The following AATK variants were observed in gnomAD, a reference collection of about 807,000 sequenced individuals.
AATK encodes lemur tail kinase 1.
Under a neutral mutation model 114.3 loss-of-function variants are expected in AATK, and 91 were observed. The observed-to-expected ratio is 0.80, with a 90% CI of 0.67 to 0.95. AATK has a LOEUF of 0.95. Among genes scored for constraint, AATK ranks in the 40% least tolerant of loss-of-function variants. AATK has a pLI of 0.00. For missense variants in AATK, 2,176 were observed against 1,965.2 expected (o/e 1.11, Z -2.03); for synonymous variants, 1,075 against 916.5 (o/e 1.17, Z -3.12).
chr17:81,123,001 G>A (rs1312849582), intron 10 of AATK, among the ~76,000 whole-genome samples, 178 bp from the exon 11 acceptor site: 1 of 152,172 alleles, frequency 6.6e-6, no homozygotes, highest in Non-Finnish European at 1.5e-5. Context: ...GCAGGAGGTG[G>A]GCTGGGCACT....
chr17:81,136,739 G>A (rs2061016214), intron 1 of AATK, among the ~76,000 whole-genome samples: 1 of 152,254 alleles, frequency 6.6e-6, no homozygotes, highest in African/African-American at 2.4e-5. Context: ...ATGAGCACAA[G>A]GTTGTGTCCC....
chr17:81,160,621 C>T (rs897397924), intron 1 of AATK, among the ~76,000 whole-genome samples: 3 of 152,194 alleles, frequency 2.0e-5, no homozygotes, highest in African/African-American at 4.8e-5. Flanking sequence ...CTCCCCACCA[C>T]GGACACGGGC....
Position 81,121,865 on chromosome 17 carries a change from G to C in AATK, c.2071C>G (p.Arg691Gly), listed in dbSNP as rs763388197. The C allele has an allele frequency of 1.9e-6, 3 of 1,597,366 alleles. No individual in the cohort carries two copies. Among genetic ancestry groups the C allele is most frequent in the South Asian group, 1.1e-5 (1 of 90,600 alleles). Reference sequence around the variant, plus strand: ...ACGGGGTCCCAGGACTCTGGACAGCGGCTGCCGCTGTTGTTGTTGGCTGAC... The same window carrying C: ...ACGGGGTCCCAGGACTCTGGACAGCCGCTGCCGCTGTTGTTGTTGGCTGAC... ...NVSANNNSGS[R>G]CPESWDPVSA... is the part of the protein sequence containing the mutation. Residue 691 changes from arginine (R) to glycine (G), a missense_variant, in exon 11 of 14, where the codon CGC becomes GGC. By Grantham distance (125) the Arg-to-Gly change is moderately radical. Around this residue, in one of 4 missense-constraint regions of AATK, gnomAD observed 1,701 missense variants for 1,394.7 expected, o/e 1.22. Coordinates refer to ENST00000326724, the MANE Select transcript of AATK (RefSeq NM_001080395.3).
Position 81,122,615 on chromosome 17 carries a change from G to A in AATK, c.1321C>T (p.Leu441Phe). 1 of 1,417,374 alleles carries A rather than the reference G, an allele frequency of 7.1e-7. No individual in the cohort carries two copies. Among genetic ancestry groups the A allele is most frequent in the Non-Finnish European group, 9.3e-7 (1 of 1,075,350 alleles). 87.8% of individuals were successfully genotyped at this position (1,417,374 alleles called of 1,614,324 possible). A position where few individuals can be genotyped will look rare whatever the true frequency, so the allele number is the denominator to read the frequency against. Residue 441 changes from leucine to phenylalanine, a missense_variant, in exon 11 of 14, where the codon CTC becomes TTC. Leu to Phe is a conservative substitution (Grantham distance 22, BLOSUM62 0). Around this residue, in one of 4 missense-constraint regions of AATK, gnomAD observed 1,701 missense variants for 1,394.7 expected, o/e 1.22. Transcript: ENST00000326724. ...AGCGGGAAGGACGAGGCAGCGGCGA[G>A]CTCCACCACGCCGCCCAGCATGGGC... Reference protein sequence around the residue: ...AGPMLGGVVELAAASSFPLLE... With the variant: ...AGPMLGGVVEFAAASSFPLLE...
intron 1 of AATK, among the ~76,000 whole-genome samples, chr17:81,143,108 C>G (rs533849985): frequency 6.6e-6 from 1 of 152,334 alleles, no homozygotes; most frequent in African/African-American, 2.4e-5. Context: ...ACGGCCTTCC[C>G]TCGAAGGCCA....
chr17:81,129,445 C>CGGAGGCA (rs755999869), intron 3 of AATK, among the ~76,000 whole-genome samples: 1 of 152,168 alleles, frequency 6.6e-6, no homozygotes, highest in Non-Finnish European at 1.5e-5. Context: ...TGGGCACTGC[C>CGGAGGCA]GGAGGCAGCA....
chr17:81,121,016 C>CG lies in AATK; in HGVS notation c.2919dup (p.Gly974ArgfsTer31). The CG allele has an allele frequency of 6.2e-7, 1 of 1,610,040 alleles. No homozygotes were observed. The highest frequency in any genetic ancestry group is 8.5e-7 in the Non-Finnish European group (1 of 1,178,910). On this transcript the variant is annotated frameshift_variant, in exon 11 of 14. Coordinates refer to ENST00000326724, the MANE Select transcript of AATK (RefSeq NM_001080395.3). LOFTEE classifies it high-confidence loss of function. ...GAGGTGGAGAGCCGTGTCTCGGGCC[C>CG]GGGGCCCTCACCCTCTGAGGCCAGC... is the stretch of plus-strand genomic sequence containing the variant.
At chr17:81,158,194 A>C (rs1401950955) in intron 1 of AATK, among the ~76,000 whole-genome samples, 1 of 152,254 alleles carries the variant, frequency 6.6e-6, no homozygotes, top group East Asian at 1.9e-4. Context: ...AGGCTCCAGC[A>C]GCAGCCAAGC....
chr17:81,122,890 G>C (rs1207805000), intron 10 of AATK, 67 bp from the exon 11 acceptor site: 2 of 1,349,522 alleles, frequency 1.5e-6, no homozygotes, highest in African/African-American at 3.0e-5. Flanking sequence ...CCTGGAGCAG[G>C]GATGGGGGTT....
intron 1 of AATK, among the ~76,000 whole-genome samples, chr17:81,156,897 C>T (rs1018149236): frequency 6.9e-6 from 1 of 145,890 alleles, no homozygotes. Flanking sequence ...AAACTGAGGA[C>T]CCCCTCCCCA....
intron 1 of AATK, among the ~76,000 whole-genome samples, chr17:81,162,040 C>T (rs1455807187): frequency 6.6e-6 from 1 of 152,170 alleles, no homozygotes; most frequent in African/African-American, 2.4e-5. Flanking sequence ...AAATGTTCTC[C>T]CTGACCCATG....
chr17:81,135,890 C>T (rs1279524787), intron 1 of AATK: 1 of 152,388 alleles, frequency 6.6e-6, no homozygotes, highest in Non-Finnish European at 1.5e-5. Context: ...GGAAGGAAAC[C>T]AGCTCTGCCG....
In AATK at chr17:81,124,949, A is replaced by T; in HGVS notation, c.821T>A (p.Leu274Gln). ...DLTVKIGDYG[L>Q]AHCKYREDYF... ...ACTCACTCTGTACTTGCAGTGAGCC[A>T]GGCCATAGTCACCAATCTTCACCGT... The change falls in exon 8 of 14, where the codon CTG (leucine) becomes CAG (glutamine). Residue 274 changes from leucine to glutamine, a missense_variant. Physicochemically the swap from Leu to Gln is moderately radical, Grantham distance 113 (BLOSUM62 -2). Coordinates refer to ENST00000326724, the MANE Select transcript of AATK (RefSeq NM_001080395.3). 6.4e-7 allele frequency: 1 copy of T among 1,568,128 alleles called. No individual in the cohort carries two copies. Among genetic ancestry groups the T allele is most frequent in the Non-Finnish European group, 8.7e-7 (1 of 1,155,676 alleles).
intron 1 of AATK, among the ~76,000 whole-genome samples, chr17:81,140,846 G>GA (rs1202921677): frequency 2.7e-4 from 36 of 132,550 alleles, no homozygotes; most frequent in East Asian, 2.2e-3. Context: ...GGGGCCGTGA[G>GA]CCGTGGGGCT....
intron 1 of AATK, among the ~76,000 whole-genome samples, chr17:81,158,764 C>T (rs1284454275): frequency 6.6e-6 from 1 of 152,226 alleles, no homozygotes; most frequent in South Asian, 2.1e-4. Context: ...CCACCATGGG[C>T]AGCCCCCACA....
intron 2 of AATK, chr17:81,131,961 G>A (rs370083214): frequency 1.5e-4 from 196 of 1,332,366 alleles, no homozygotes; most frequent in Non-Finnish European, 1.8e-4. Flanking sequence ...CACCACCTCC[G>A]GAGCTCCCAG....
intron 1 of AATK, among the ~76,000 whole-genome samples, chr17:81,160,470 G>A (rs568246780): frequency 1.6e-4 from 25 of 152,354 alleles, no homozygotes; most frequent in Admixed American, 1.3e-3. Flanking sequence ...TTCCTCTGCC[G>A]GCTTCCTCTG....
intron 12 of AATK, 52 bp downstream of exon 12, chr17:81,119,884 G>C (rs967153475): frequency 1.4e-6 from 2 of 1,402,984 alleles, no homozygotes; most frequent in Non-Finnish European, 1.8e-6. Context: ...ACACAGCACG[G>C]ACCAGGCCCT....
intron 3 of AATK, chr17:81,128,937 C>T: frequency 9.1e-7 from 1 of 1,096,466 alleles, no homozygotes; most frequent in Non-Finnish European, 1.1e-6. Flanking sequence ...GAGCGGCCCA[C>T]CCCCACCCTG....
Sources: allele counts gnomAD v4.1 joint callset (sites outside exome capture counted in the v4.1 genomes callset), GRCh38; gene constraint gnomAD v4.1.1; regional missense constraint gnomAD v4.1.1; transcripts MANE v1.5; gene names NCBI Gene and HGNC (gene_info 2026-07-23, HGNC 2026-07-21).